NLRP5: variants seen among roughly 807,000 people sequenced by gnomAD.
NLRP5 encodes NACHT, LRR and PYD domains-containing protein 5.
A neutral mutation model predicts 113.1 loss-of-function variants in NLRP5; 93 were observed. The ratio of observed to expected loss-of-function variants is 0.82; its 90% CI spans 0.70 to 0.98. The LOEUF is 0.98. Ranked by LOEUF, NLRP5 falls within the 50% of genes least tolerant of loss-of-function variation. The pLI, the probability that NLRP5 is intolerant of heterozygous loss-of-function variation, is 0.00. For synonymous variants in NLRP5, 751 were observed against 600.7 expected, an observed-to-expected ratio of 1.25 and a Z score of -3.66; for missense variants, 1,808 against 1,514.3, an observed-to-expected ratio of 1.19 and a Z score of -3.22.
intron 11 of NLRP5, among the ~76,000 whole-genome samples, chr19:56,047,768 A>G (rs1450217655): frequency 6.4e-4 from 97 of 152,188 alleles, no homozygotes; most frequent in Admixed American, 6.2e-3. Flanking sequence ...GTTTAAATCC[A>G]TTGTTTCTTT....
chr19:56,006,166 A>G (rs1261661976), intron 2 of NLRP5, among the ~76,000 whole-genome samples: 3 of 152,134 alleles, frequency 2.0e-5, no homozygotes, highest in Non-Finnish European at 2.9e-5. Flanking sequence ...TCAGCAAACT[A>G]TCACAAGGAC....
the NLRP5 span, among the ~76,000 whole-genome samples, chr19:55,994,618 G>A: frequency 1.3e-3 from 201 of 152,260 alleles, 7 homozygotes; most frequent in Admixed American, 1.8e-3. Context: ...GGATGGTCTC[G>A]ATCTCCTGAC....
intron 7 of NLRP5, among the ~76,000 whole-genome samples, chr19:56,030,548 C>G (rs557076053): frequency 6.6e-6 from 1 of 152,132 alleles, no homozygotes; most frequent in East Asian, 1.9e-4. Flanking sequence ...GTTCTTTCCA[C>G]AGCCAAGAGG....
intron 12 of NLRP5, among the ~76,000 whole-genome samples, chr19:56,052,860 C>T (rs1236146982): frequency 6.6e-6 from 1 of 152,188 alleles, no homozygotes; most frequent in Non-Finnish European, 1.5e-5. Context: ...AGAATCTTTC[C>T]AGTTTCTCCT....
chr19:55,999,724 T>G, upstream of NLRP5: 1 of 1,610,840 alleles, frequency 6.2e-7, no homozygotes, highest in Admixed American at 1.7e-5. Flanking sequence ...GGCGATGTTA[T>G]CATGAAGGTT....
chr19:56,052,905 G>A (rs1983983761), intron 12 of NLRP5, among the ~76,000 whole-genome samples: 1 of 152,166 alleles, frequency 6.6e-6, no homozygotes, highest in Non-Finnish European at 1.5e-5. Context: ...TCATCTCCAA[G>A]TGGAAGCAAA....
intron 11 of NLRP5, among the ~76,000 whole-genome samples, chr19:56,047,393 C>T (rs187840069): frequency 1.3e-5 from 2 of 152,242 alleles, no homozygotes; most frequent in African/African-American, 4.8e-5. Context: ...AACCTGTTAG[C>T]ACTGCCTTTG....
At chr19:56,005,640 A>ACGCGCGCG (rs530215925) in intron 2 of NLRP5, among the ~76,000 whole-genome samples, 6 of 141,894 alleles carry the variant, frequency 4.2e-5, no homozygotes, top group Admixed American at 2.1e-4. Flanking sequence ...ACACACACAC[A>ACGCGCGCG]CACGCGCGCA....
intron 13 of NLRP5, among the ~76,000 whole-genome samples, chr19:56,055,147 C>G (rs1442050216): frequency 6.6e-6 from 1 of 152,042 alleles, no homozygotes; most frequent in Non-Finnish European, 1.5e-5. Flanking sequence ...TGCCACCATG[C>G]CCGGCTACTT....
At chr19:55,997,275 G>T (rs1169862899), upstream of NLRP5, among the ~76,000 whole-genome samples, 1 of 151,994 alleles carries the variant, frequency 6.6e-6, no homozygotes, top group Non-Finnish European at 1.5e-5. Flanking sequence ...GTCTGCTGAT[G>T]AACCACCCTT....
At chr19:56,040,692 A>C (rs2123323065) in intron 10 of NLRP5, among the ~76,000 whole-genome samples, 1 of 152,382 alleles carries the variant, frequency 6.6e-6, no homozygotes, top group Non-Finnish European at 1.5e-5. Context: ...GCCATTCCCC[A>C]TTGTGACTGG....
At chr19:55,993,060 G>T in the NLRP5 span, among the ~76,000 whole-genome samples, 1 of 151,860 alleles carries the variant, frequency 6.6e-6, no homozygotes, top group East Asian at 1.9e-4. Context: ...TGTTGGTCAG[G>T]CTGGTCTTGA....
At chr19:56,044,600 A>G (rs1281333622) in intron 11 of NLRP5, among the ~76,000 whole-genome samples, 4 of 152,172 alleles carry the variant, frequency 2.6e-5, no homozygotes, top group Admixed American at 2.0e-4. Flanking sequence ...CGAGTACCAC[A>G]CTGTTTTGGT....
Position 56,055,576 on chromosome 19 carries a change from T to C in NLRP5, c.3299+1768T>C, listed in dbSNP as rs574072297. The stretch of plus-strand genomic sequence containing the variant: ...TTTTTTTTTTTTTAAGATAGAGTCT[T>C]GCTCTGTCCCCCAGGCTGGAGTGCA... On this transcript the variant is annotated intron_variant, in intron 13 of 14. Coordinates refer to ENST00000390649, the MANE Select transcript of NLRP5 (RefSeq NM_153447.4). 2.1e-4 allele frequency among the ~76,000 whole-genome samples: 29 copies of C among 135,404 alleles called. 1 individual carries two copies. In the South Asian group the frequency reaches 3.0e-3, roughly 14 times the overall value. 88.8% of individuals were successfully genotyped at this position (135,404 alleles called of 152,430 possible).
intron 6 of NLRP5, 71 bp downstream of exon 6, chr19:56,020,502 T>G (rs1202571676): frequency 1.3e-6 from 2 of 1,497,814 alleles, no homozygotes; most frequent in African/African-American, 1.4e-5. Context: ...GTAAGTAGTT[T>G]AGATTTCAAG....
chr19:55,987,134 C>G, the NLRP5 span, among the ~76,000 whole-genome samples: 1 of 152,106 alleles, frequency 6.6e-6, no homozygotes, highest in African/African-American at 2.4e-5. Flanking sequence ...TTTGGGAGGC[C>G]GAGGCAGGTG....
chr19:55,989,585 T>C, the NLRP5 span, among the ~76,000 whole-genome samples: 77,552 of 151,964 alleles, frequency 0.51, 20,286 homozygotes, highest in African/African-American at 0.63. Flanking sequence ...AGCAGCAATA[T>C]GAGAAGGTGT....
At chr19:56,024,524 T>C (rs1010396077) in intron 6 of NLRP5, among the ~76,000 whole-genome samples, 4 of 95,936 alleles carry the variant, frequency 4.2e-5, no homozygotes, top group Non-Finnish European at 8.7e-5. Flanking sequence ...TGTATGTATA[T>C]GTATACATAT....
At chr19:56,031,585 C>T (rs966377360) in intron 7 of NLRP5, among the ~76,000 whole-genome samples, 6 of 143,802 alleles carry the variant, frequency 4.2e-5, no homozygotes, top group African/African-American at 7.8e-5. Context: ...GAGCCAAGAT[C>T]ATGCCACTGC....
Sources: allele counts gnomAD v4.1 joint callset (sites outside exome capture counted in the v4.1 genomes callset), GRCh38; gene constraint gnomAD v4.1.1; transcripts MANE v1.5; gene names NCBI Gene and HGNC (gene_info 2026-07-23, HGNC 2026-07-21).